The following MAP3K13 variants were observed in gnomAD, a reference collection of about 807,000 sequenced individuals.
The protein encoded by MAP3K13 is mitogen-activated protein kinase kinase kinase 13.
In MAP3K13, 52 loss-of-function variants were observed where a neutral mutation model predicts 104.0. The observed-to-expected ratio is 0.50, with a 90% CI of 0.40 to 0.63. MAP3K13 has a LOEUF of 0.63. Ranked by LOEUF, MAP3K13 falls within the 20% of genes least tolerant of loss-of-function variation. The pLI is 0.00. For synonymous variants in MAP3K13, 394 were observed against 442.2 expected (o/e 0.89, Z 1.37); for missense variants, 914 against 1,218.5 (o/e 0.75, Z 3.72).
chr3:185,344,361 A>G (rs1284349704), intron 2 of MAP3K13, among the ~76,000 whole-genome samples: 1 of 152,216 alleles, frequency 6.6e-6, no homozygotes, highest in Non-Finnish European at 1.5e-5. Flanking sequence ...AGCCAATAAG[A>G]AGAGACTTGA....
chr3:185,386,260 A>G (rs1711681475), intron 1 of MAP3K13, among the ~76,000 whole-genome samples: 1 of 152,218 alleles, frequency 6.6e-6, no homozygotes, highest in South Asian at 2.1e-4. Context: ...AAAGGACATG[A>G]ACAGACACTT....
intron 2 of MAP3K13, among the ~76,000 whole-genome samples, chr3:185,322,252 A>C (rs1721897172): frequency 6.6e-6 from 1 of 152,240 alleles, no homozygotes; most frequent in Non-Finnish European, 1.5e-5. Context: ...GCTTTCTTCT[A>C]GGAAAATGTT....
In MAP3K13 at chr3:185,471,451, C is replaced by CTTTTT. The variant is rs71164510; in HGVS notation, c.1644-1503_1644-1499dup. ...TGAGCCTGTACCTGGACGACCTTTA[C>CTTTTT]TTTTTTTTTTTTTTTTTTTTTTTTT... is the stretch of plus-strand genomic sequence containing the variant. On this transcript the variant is annotated intron_variant, in intron 10 of 13. Transcript: ENST00000265026. Among the ~76,000 whole-genome samples the CTTTTT allele has an allele frequency of 3.3e-3, 247 of 75,382 alleles. 1 individual carries two copies. The highest frequency in any genetic ancestry group is 4.8e-3 in the African/African-American group (75 of 15,696). The allele number at this position is 75,382 out of a possible 152,430, so 49.5% of individuals were successfully genotyped here.
upstream of MAP3K13, among the ~76,000 whole-genome samples, chr3:185,360,818 CTTTTTTTTTT>C (rs532196266): frequency 1.7e-4 from 13 of 78,100 alleles, no homozygotes; most frequent in South Asian, 6.5e-3. Flanking sequence ...ACAGCTTTAG[CTTTTTTTTTT>C]TTTTTTTTTT....
At chr3:185,455,316 T>C (rs866521083) in intron 7 of MAP3K13, among the ~76,000 whole-genome samples, 2 of 126,130 alleles carry the variant, frequency 1.6e-5, no homozygotes, top group African/African-American at 5.9e-5. Context: ...ATGAGATATA[T>C]ATGAGATATA....
chr3:185,475,101 A>T (rs1718037825), intron 11 of MAP3K13, among the ~76,000 whole-genome samples: 1 of 151,604 alleles, frequency 6.6e-6, no homozygotes, highest in African/African-American at 2.4e-5. Context: ...CTCAAAAAAA[A>T]AAAAAAAAAA....
At chr3:185,322,761 A>G (rs1248660851) in intron 2 of MAP3K13, among the ~76,000 whole-genome samples, 3 of 152,036 alleles carry the variant, frequency 2.0e-5, no homozygotes, top group Admixed American at 1.3e-4. Context: ...AGTTAAATGA[A>G]TCTCACTCCC....
intron 1 of MAP3K13, among the ~76,000 whole-genome samples, chr3:185,420,814 A>T (rs1460403342): frequency 1.3e-5 from 2 of 152,254 alleles, no homozygotes; most frequent in Non-Finnish European, 2.9e-5. Flanking sequence ...TAGAAATCCA[A>T]GAATTTAAGG....
At chr3:185,366,302 A>G (rs115651320) in intron 1 of MAP3K13, among the ~76,000 whole-genome samples, 2,080 of 152,276 alleles carry the variant, frequency 0.014, 20 homozygotes, top group Non-Finnish European at 0.021. Context: ...TTCCCAAGAA[A>G]TATTCCAGTG....
At chr3:185,285,616 G>A (rs1368526324) in exon 2 of MAP3K13, 1 of 1,535,428 alleles carries the variant, frequency 6.5e-7, no homozygotes, top group Admixed American at 2.0e-5. Context: ...ATGTATTGTG[G>A]CATTCAAATC....
At chr3:185,443,944 T>C (rs756849692) in intron 4 of MAP3K13, among the ~76,000 whole-genome samples, 3 of 152,258 alleles carry the variant, frequency 2.0e-5, no homozygotes, top group Non-Finnish European at 2.9e-5. Context: ...ATGCCAGACC[T>C]TCCCGCTAGA....
At chr3:185,425,274 G>T (rs1714348922) in intron 1 of MAP3K13, among the ~76,000 whole-genome samples, 1 of 152,134 alleles carries the variant, frequency 6.6e-6, no homozygotes, top group Admixed American at 6.5e-5. Flanking sequence ...TATGTCCATA[G>T]TTGAGCTAAT....
chr3:185,404,045 C>A (rs1187089448), intron 1 of MAP3K13, among the ~76,000 whole-genome samples: 1 of 152,144 alleles, frequency 6.6e-6, no homozygotes, highest in African/African-American at 2.4e-5. Context: ...GTAAAATGCC[C>A]AGCACAGTGC....
intron 11 of MAP3K13, among the ~76,000 whole-genome samples, chr3:185,474,558 C>T (rs966768551): frequency 6.6e-6 from 1 of 152,146 alleles, no homozygotes; most frequent in Non-Finnish European, 1.5e-5. Flanking sequence ...CGAGCATTTC[C>T]CTCACCTATT....
chr3:185,453,761 T>C (rs1716026822), intron 7 of MAP3K13, among the ~76,000 whole-genome samples: 1 of 142,472 alleles, frequency 7.0e-6, no homozygotes, highest in Non-Finnish European at 1.5e-5. Flanking sequence ...AAAGCGAGAC[T>C]CCGTCTAAAA....
chr3:185,427,234 C>T (rs956374288), intron 1 of MAP3K13, among the ~76,000 whole-genome samples: 4 of 150,442 alleles, frequency 2.7e-5, no homozygotes, highest in East Asian at 2.0e-4. Context: ...CGTGGTGGTG[C>T]GTGCCTGTAA....
chr3:185,427,363 C>CA (rs200864455), intron 1 of MAP3K13, among the ~76,000 whole-genome samples: 51 of 148,904 alleles, frequency 3.4e-4, no homozygotes, highest in African/African-American at 1.2e-3. Context: ...GACTCTGTCT[C>CA]AAAAAAAAGA....
chr3:185,420,253 A>G (rs1249939256), intron 1 of MAP3K13, among the ~76,000 whole-genome samples: 1 of 152,154 alleles, frequency 6.6e-6, no homozygotes, highest in Non-Finnish European at 1.5e-5. Context: ...CACAGTTAAG[A>G]GAGTAAGTAG....
chr3:185,317,161 G>A (rs894378497), intron 2 of MAP3K13, among the ~76,000 whole-genome samples: 7 of 152,096 alleles, frequency 4.6e-5, no homozygotes, highest in African/African-American at 1.2e-4. Flanking sequence ...TCTGAGTTAC[G>A]TTTTTTCAGC....
Sources: allele counts gnomAD v4.1 joint callset (sites outside exome capture counted in the v4.1 genomes callset), GRCh38; gene constraint gnomAD v4.1.1; transcripts MANE v1.5; gene names NCBI Gene and HGNC (gene_info 2026-07-23, HGNC 2026-07-21).